PNLIP: variants seen among roughly 807,000 people sequenced by gnomAD.
PNLIP encodes pancreatic triacylglycerol lipase.
A neutral mutation model predicts 57.1 loss-of-function variants in PNLIP; 49 were observed. That is an observed-to-expected ratio of 0.86 (90% CI 0.68 to 1.09). PNLIP has a LOEUF of 1.09. Ranked by LOEUF, PNLIP falls within the 50% of genes least tolerant of loss-of-function variation. The pLI is 0.00. For synonymous variants in PNLIP, 209 were observed against 200.4 expected (o/e 1.04, Z -0.36); for missense variants, 503 against 570.2 (o/e 0.88, Z 1.20).
Position 116,551,122 on chromosome 10 carries a change from A to G in PNLIP, c.349A>G (p.Asn117Asp), listed in dbSNP as rs201397700. The change falls in exon 5 of 13, where the codon AAC (asparagine) becomes GAC (aspartate). Residue 117 changes from asparagine to aspartate, a missense_variant. Asn to Asp is a conservative substitution (Grantham distance 23, BLOSUM62 1). Coordinates refer to ENST00000369221, the MANE Select transcript of PNLIP (RefSeq NM_000936.4). ...CKNLFKVESV[N>D]CICVDWKGGS... The stretch of plus-strand genomic sequence containing the variant: ...GAATCTGTTCAAGGTGGAAAGTGTG[A>G]ACTGTATCTGTGTGGACTGGAAAGG... 1.2e-6 allele frequency: 2 copies of G among 1,609,736 alleles called. No individual in the cohort carries two copies. Among genetic ancestry groups the G allele is most frequent in the Admixed American group, 1.7e-5 (1 of 59,622 alleles).
chr10:116,558,029 T>C (rs1847271138), intron 9 of PNLIP, among the ~76,000 whole-genome samples: 1 of 150,942 alleles, frequency 6.6e-6, no homozygotes, highest in African/African-American at 2.4e-5. Flanking sequence ...CCGAGGCAGG[T>C]GGATCAGGAA....
In PNLIP at chr10:116,561,599, G is replaced by A; in HGVS notation, c.1297G>A (p.Ala433Thr). ...CAACCCAACTTTACCTAGAGTGGGA[G>A]CATCCAAGATTATAGTGGAGACAAA... ...VINPTLPRVG[A>T]SKIIVETNVG... The change falls in exon 12 of 13, where the codon GCA becomes ACA. Residue 433 changes from alanine to threonine, a missense_variant. Coordinates refer to ENST00000369221, the MANE Select transcript of PNLIP (RefSeq NM_000936.4). 6.2e-7 allele frequency: 1 copy of A among 1,613,110 alleles called. No homozygotes were observed. The highest frequency in any genetic ancestry group is 8.5e-7 in the Non-Finnish European group (1 of 1,179,568).
chr10:116,563,323 C>A (rs1219020289), intron 12 of PNLIP, among the ~76,000 whole-genome samples: 1 of 152,148 alleles, frequency 6.6e-6, no homozygotes, highest in Non-Finnish European at 1.5e-5. Context: ...ATAAGCATTT[C>A]CTTTGAGCAT....
At chr10:116,559,321 T>G in intron 10 of PNLIP, 38 bp downstream of exon 10, 1 of 1,447,244 alleles carries the variant, frequency 6.9e-7, no homozygotes, top group Non-Finnish European at 9.6e-7. Flanking sequence ...TTCTTATTGC[T>G]ATATATTTTA....
intron 5 of PNLIP, among the ~76,000 whole-genome samples, chr10:116,552,873 G>A (rs1847209627): frequency 1.3e-5 from 2 of 152,068 alleles, no homozygotes; most frequent in South Asian, 2.1e-4. Context: ...GCAACAGAGT[G>A]AGACTCCATC....
At chr10:116,550,196 C>A (rs1847175774) in intron 4 of PNLIP, among the ~76,000 whole-genome samples, 1 of 151,024 alleles carries the variant, frequency 6.6e-6, no homozygotes, top group African/African-American at 2.4e-5. Flanking sequence ...GTAGCTGGGA[C>A]TACAGGCTCC....
chr10:116,550,899 A>T (rs1847183229), intron 4 of PNLIP, among the ~76,000 whole-genome samples, 199 bp from the exon 5 acceptor site: 2 of 152,236 alleles, frequency 1.3e-5, no homozygotes, highest in African/African-American at 4.8e-5. Context: ...CACTATGGTC[A>T]AATTCCAGTT....
chr10:116,550,438 C>A (rs1038198990), intron 4 of PNLIP, among the ~76,000 whole-genome samples: 1 of 151,816 alleles, frequency 6.6e-6, no homozygotes, highest in East Asian at 1.9e-4. Flanking sequence ...CAGAACTAAC[C>A]TCCATGAAGC....
chr10:116,564,012 A>G (rs1275623584), intron 12 of PNLIP, among the ~76,000 whole-genome samples: 7 of 152,176 alleles, frequency 4.6e-5, no homozygotes, highest in Non-Finnish European at 5.9e-5. Flanking sequence ...AATATATGTG[A>G]AGAAATAATA....
chr10:116,548,341 C>T lies in PNLIP; in HGVS notation c.202-19C>T. The T allele has an allele frequency of 6.2e-7, 1 of 1,612,570 alleles. No individual in the cohort carries two copies. Among genetic ancestry groups the T allele is most frequent in the East Asian group, 2.2e-5 (1 of 44,854 alleles). ...GCTACTATAGGAAACTGACATGAAA[C>T]ACTTTTCTGTCTAAACAGGAAGTTG... On this transcript the variant is annotated intron_variant, in intron 3 of 12. Transcript: ENST00000369221.
At position 116,560,425 on chromosome 10, in the gene PNLIP, A is replaced by G; in HGVS notation, c.1070A>G (p.Tyr357Cys). The G allele has an allele frequency of 6.3e-7, 1 of 1,584,102 alleles. No homozygotes were observed. Among genetic ancestry groups the G allele is most frequent in the Non-Finnish European group, 8.6e-7 (1 of 1,163,168 alleles). The part of the protein sequence containing the change: ...GDASNFARWR[Y>C]KVSVTLSGKK... ...TTTTTCTCCCTTGCAGGTTGGAGGT[A>G]TAAGGTATCTGTCACACTGTCTGGA... Residue 357 changes from tyrosine (Y) to cysteine (C), a missense_variant, in exon 11 of 13, where the codon TAT (tyrosine) becomes TGT (cysteine). Transcript: ENST00000369221.
intron 12 of PNLIP, among the ~76,000 whole-genome samples, chr10:116,562,755 T>G (rs191160519): frequency 1.3e-5 from 2 of 152,334 alleles, no homozygotes; most frequent in Admixed American, 1.3e-4. Flanking sequence ...TTTGCAGGAC[T>G]GAGAATGGTG....
intron 12 of PNLIP, 87 bp from the exon 13 acceptor site, chr10:116,567,648 A>C: frequency 9.4e-7 from 1 of 1,060,504 alleles, no homozygotes; most frequent in Non-Finnish European, 1.5e-6. Context: ...TCAGACTAGG[A>C]GGTTGGGGGC....
chr10:116,560,457 G>T lies in PNLIP; in HGVS notation c.1102G>T (p.Val368Phe). 1.9e-6 allele frequency: 3 copies of T among 1,608,566 alleles called. No homozygotes were observed. The highest frequency in any genetic ancestry group is 1.7e-6 in the Non-Finnish European group (2 of 1,176,968). ...KVSVTLSGKK[V>F]TGHILVSLFG... ...ATCTGTCACACTGTCTGGAAAAAAGGTTACAGGACACATACTAGTTTCTTT... is the reference window on the plus strand; with the variant it reads ...ATCTGTCACACTGTCTGGAAAAAAGTTTACAGGACACATACTAGTTTCTTT... The change falls in exon 11 of 13, where the codon GTT (valine) becomes TTT (phenylalanine). Residue 368 changes from valine (V) to phenylalanine (F), a missense_variant. By Grantham distance (50) the Val-to-Phe change is conservative (BLOSUM62 -1). Coordinates refer to ENST00000369221, the MANE Select transcript of PNLIP (RefSeq NM_000936.4).
intron 10 of PNLIP, among the ~76,000 whole-genome samples, 167 bp from the exon 11 acceptor site, chr10:116,560,249 A>C (rs967368690): frequency 1.3e-5 from 2 of 151,140 alleles, no homozygotes; most frequent in Admixed American, 6.6e-5. Context: ...ATATAAAGGA[A>C]TATCTATCAC....
intron 4 of PNLIP, among the ~76,000 whole-genome samples, chr10:116,548,706 G>A (rs1331979778): frequency 6.6e-6 from 1 of 152,164 alleles, no homozygotes; most frequent in Non-Finnish European, 1.5e-5. Flanking sequence ...GTGGATCTAG[G>A]CAGTGGTTAT....
At chr10:116,551,901 C>T (rs149279153) in intron 5 of PNLIP, among the ~76,000 whole-genome samples, 37 of 152,268 alleles carry the variant, frequency 2.4e-4, no homozygotes, top group African/African-American at 8.2e-4. Flanking sequence ...TCTCCCTCTG[C>T]GCGCCTCATT....
At chr10:116,553,672 T>C in intron 5 of PNLIP, 55 bp from the exon 6 acceptor site, 1 of 993,876 alleles carries the variant, frequency 1.0e-6, no homozygotes, top group Non-Finnish European at 1.6e-6. Flanking sequence ...TCCCTGTTGT[T>C]GAGCAACTCA....
Position 116,551,126 on chromosome 10 carries a change from G to GTATC in PNLIP, c.355_358dup (p.Cys120TyrfsTer32). The GTATC allele has an allele frequency of 6.2e-7, 1 of 1,610,662 alleles. No individual in the cohort carries two copies. The highest frequency in any genetic ancestry group is 8.5e-7 in the Non-Finnish European group (1 of 1,178,150). On this transcript the variant is annotated frameshift_variant, in exon 5 of 13. Coordinates refer to ENST00000369221, the MANE Select transcript of PNLIP (RefSeq NM_000936.4). LOFTEE classifies it high-confidence loss of function. ...CTGTTCAAGGTGGAAAGTGTGAACT[G>GTATC]TATCTGTGTGGACTGGAAAGGTGGC...
Sources: allele counts gnomAD v4.1 joint callset (sites outside exome capture counted in the v4.1 genomes callset), GRCh38; gene constraint gnomAD v4.1.1; transcripts MANE v1.5; gene names NCBI Gene and HGNC (gene_info 2026-07-23, HGNC 2026-07-21).